Variants in LSM5 observed in about 807,000 individuals in gnomAD.
LSM5 encodes LSM5 homolog, U6 small nuclear RNA and mRNA degradation associated, also known as U6 snRNA-associated Sm-like protein LSm5.
LSM5 carries 8 observed loss-of-function variants against 13.8 expected under a neutral mutation model. The observed-to-expected ratio is 0.58, with a 90% CI of 0.34 to 1.04. LSM5 has a LOEUF of 1.04. Among genes scored for constraint, LSM5 ranks in the 50% least tolerant of loss-of-function variants. The probability of loss-of-function intolerance (pLI) is 0.03; values close to 1 mark genes in which losing one functional copy is unlikely to be tolerated. For missense variants in LSM5, 80 were observed against 108.1 expected, an observed-to-expected ratio of 0.74 and a Z score of 1.15; for synonymous variants, 35 against 37.0, an observed-to-expected ratio of 0.95 and a Z score of 0.20.
At position 32,488,628 on chromosome 7, in the gene LSM5, TCA is replaced by T. The variant is rs1486630230; in HGVS notation, c.165_166del (p.Glu56ValfsTer2). 2 of 1,597,316 alleles carry T rather than the reference TCA, an allele frequency of 1.3e-6. No individual in the cohort carries two copies. The highest frequency in any genetic ancestry group is 3.3e-5 in the Admixed American group (2 of 59,876). ...CCAATTCTTTAACACTACTCACAAC[TCA>T]GTGACATCTTCCAGTACCATATCTG... On this transcript the variant is annotated frameshift_variant, in exon 3 of 5. Coordinates refer to ENST00000450169, the MANE Select transcript of LSM5 (RefSeq NM_012322.3). LOFTEE classifies it high-confidence loss of function.
intron 3 of LSM5, 107 bp downstream of exon 3, chr7:32,488,518 G>A (rs545164166): frequency 7.7e-6 from 6 of 776,980 alleles, no homozygotes; most frequent in East Asian, 5.0e-5. Flanking sequence ...TATCTTTAAC[G>A]TTATTCCACC....
chr7:32,490,464 G>T, upstream of LSM5: 1 of 985,096 alleles, frequency 1.0e-6, no homozygotes, highest in Non-Finnish European at 1.6e-6. Flanking sequence ...ACCAATCTGA[G>T]GCCGAGCGCA....
chr7:32,488,127 C>A (rs3793245), intron 3 of LSM5: 8 of 233,570 alleles, frequency 3.4e-5, no homozygotes, highest in African/African-American at 1.4e-4. Flanking sequence ...TCACTGCAGC[C>A]TAGAACTCCT....
chr7:32,491,751 G>A (rs1467156306), upstream of LSM5, among the ~76,000 whole-genome samples: 2 of 152,160 alleles, frequency 1.3e-5, no homozygotes, highest in Non-Finnish European at 2.9e-5. Context: ...CTGGCACATA[G>A]CCCTTTTAAA....
upstream of LSM5, among the ~76,000 whole-genome samples, chr7:32,492,209 G>A (rs1193584178): frequency 6.6e-6 from 1 of 151,906 alleles, no homozygotes; most frequent in African/African-American, 2.4e-5. Flanking sequence ...AAACATTGTT[G>A]TTATTTGATA....
intron 3 of LSM5, chr7:32,488,076 T>G: frequency 3.1e-6 from 1 of 319,464 alleles, no homozygotes; most frequent in South Asian, 2.9e-5. Flanking sequence ...GACAGGGTCT[T>G]GCTCTGTTGC....
upstream of LSM5, among the ~76,000 whole-genome samples, chr7:32,492,910 C>T (rs1019004997): frequency 5.3e-5 from 8 of 152,200 alleles, no homozygotes; most frequent in African/African-American, 1.7e-4. Context: ...TTTTCTCCCT[C>T]GAGTTAAATT....
At chr7:32,490,290 T>A (rs753302894) in intron 1 of LSM5, 30 bp downstream of exon 1, 34 of 1,614,042 alleles carry the variant, frequency 2.1e-5, no homozygotes, top group Non-Finnish European at 2.6e-5. Context: ...GTCAGCTCCC[T>A]GTTCCTGCTC....
chr7:32,492,965 A>G (rs2128106585), upstream of LSM5, among the ~76,000 whole-genome samples: 1 of 152,354 alleles, frequency 6.6e-6, no homozygotes. Context: ...CTTGTGGACA[A>G]TATCTTGTTA....
rs373251498 is a variant in LSM5 at position 32,490,300 on chromosome 7, C to T, written c.46+20G>A. 2.1e-4 allele frequency: 335 copies of T among 1,614,078 alleles called. No homozygotes were observed. The highest frequency in any genetic ancestry group is 2.7e-4 in the Non-Finnish European group (324 of 1,180,030). On this transcript the variant is annotated intron_variant, in intron 1 of 4. Transcript: ENST00000450169. Reference sequence around the variant, plus strand: ...TGAATGTCAGCTCCCTGTTCCTGCTCCCCAAAGGACGGCGATTACCTAAGG... The same window carrying T: ...TGAATGTCAGCTCCCTGTTCCTGCTTCCCAAAGGACGGCGATTACCTAAGG...
At chr7:32,490,383 C>T (rs371023758), upstream of LSM5, 31 of 1,605,434 alleles carry the variant, frequency 1.9e-5, no homozygotes, top group East Asian at 5.1e-4. Flanking sequence ...CCGGAAGTGG[C>T]CTGCCTTCAT....
intron 3 of LSM5, chr7:32,488,019 A>T (rs6971659): frequency 3.7e-5 from 14 of 375,330 alleles, no homozygotes; most frequent in South Asian, 3.1e-5. Flanking sequence ...TTGCCCAGGA[A>T]ATCAAATATG....
rs1002796989 is a variant in LSM5, at chr7:32,486,009, T to C, written c.*1252A>G. On this transcript the variant is annotated 3_prime_UTR_variant, in exon 5 of 5. Transcript: ENST00000450169. ...GACATGCCCGGTTTTCTTGTAAAAA[T>C]GGCAAAGAGGAGAGAAGGTAGAACA... 5 of 141,856 alleles carry C rather than the reference T, an allele frequency of 3.5e-5. No individual in the cohort carries two copies. The highest frequency in any genetic ancestry group is 1.3e-4 in the African/African-American group (5 of 37,512). The allele number at this position is 141,856 out of a possible 1,614,324, so 8.8% of individuals were successfully genotyped here.
chr7:32,489,615 G>T (rs1180253926), intron 1 of LSM5: 1 of 379,564 alleles, frequency 2.6e-6, no homozygotes, highest in African/African-American at 2.2e-5. Flanking sequence ...AAAAATATAA[G>T]AGGAGATAGG....
At chr7:32,491,300 G>A (rs943948656), upstream of LSM5, among the ~76,000 whole-genome samples, 5 of 151,642 alleles carry the variant, frequency 3.3e-5, no homozygotes, top group African/African-American at 1.2e-4. Flanking sequence ...GGGAGGCAGA[G>A]GCAGGAGAAC....
chr7:32,492,233 T>C (rs1786610823), upstream of LSM5, among the ~76,000 whole-genome samples: 1 of 152,174 alleles, frequency 6.6e-6, no homozygotes, highest in African/African-American at 2.4e-5. Context: ...TTTTTAAAAA[T>C]TAGAAAAATA....
chr7:32,488,545 TCATA>T, intron 3 of LSM5, 76 bp downstream of exon 3: 1 of 929,864 alleles, frequency 1.1e-6, no homozygotes, highest in East Asian at 2.4e-5. Flanking sequence ...TAATGTTTTC[TCATA>T]AATAATTTTA....
chr7:32,490,398 G>T (rs779053609), upstream of LSM5: 3 of 1,567,354 alleles, frequency 1.9e-6, no homozygotes, highest in Non-Finnish European at 2.6e-6. Flanking sequence ...CTTCATTGAT[G>T]GTGGGACGAC....
rs202171768 is a variant in LSM5 at position 32,487,672 on chromosome 7, C to T, written c.243+13G>A. On this transcript the variant is annotated intron_variant, in intron 4 of 4. Transcript: ENST00000450169. ...GGCTCCCATCAAAATAAAACAGTTT[C>T]AATGTGTCTTACCATTGTTATATTA... The T allele has an allele frequency of 4.7e-4, 645 of 1,368,850 alleles. 4 individuals carry two copies. In the African/African-American group the frequency reaches 8.2e-3, roughly 17 times the overall value. 84.8% of individuals were successfully genotyped at this position (1,368,850 alleles called of 1,614,324 possible).
Sources: gnomAD v4.1 joint callset for allele counts (sites outside exome capture counted in the v4.1 genomes callset) on GRCh38, gnomAD v4.1.1 for gene constraint, MANE v1.5 for transcripts, NCBI Gene and HGNC (gene_info 2026-07-23, HGNC 2026-07-21) for gene names.